Variants in CACNA1C observed in about 807,000 individuals in gnomAD.
The protein encoded by CACNA1C is calcium voltage-gated channel subunit alpha1 C.
A neutral mutation model predicts 229.0 loss-of-function variants in CACNA1C; 30 were observed. The observed-to-expected ratio is 0.13, with a 90% CI of 0.10 to 0.18. CACNA1C has a LOEUF of 0.18. Among genes scored for constraint, CACNA1C ranks in the 10% least tolerant of loss-of-function variants. CACNA1C has a pLI of 1.00. For missense variants in CACNA1C, 1,658 were observed against 2,845.0 expected, an observed-to-expected ratio of 0.58 and a Z score of 9.49; for synonymous variants, 1,114 against 1,132.5, an observed-to-expected ratio of 0.98 and a Z score of 0.33.
At chr12:2,288,418 G>A (rs2093021605) in intron 3 of CACNA1C, among the ~76,000 whole-genome samples, 1 of 152,174 alleles carries the variant, frequency 6.6e-6, no homozygotes, top group Non-Finnish European at 1.5e-5. Context: ...CAGTTGCCCT[G>A]AAATAGGTTG....
At chr12:2,556,906 A>G (rs2044626087) in intron 10 of CACNA1C, 45 bp from the exon 11 acceptor site, 1 of 1,558,914 alleles carries the variant, frequency 6.4e-7, no homozygotes, top group African/African-American at 1.4e-5. Flanking sequence ...TTTTAAATGC[A>G]CGTGTGTGTC....
chr12:2,193,085 G>A (rs2097291099), intron 3 of CACNA1C, among the ~76,000 whole-genome samples: 1 of 152,254 alleles, frequency 6.6e-6, no homozygotes, highest in African/African-American at 2.4e-5. Flanking sequence ...CACACCTGGA[G>A]TGAGGGGAGA....
rs1429576338 is a variant in CACNA1C at position 2,215,549 on chromosome 12, T to A, written c.477+95119T>A. 1.3e-5 allele frequency among the ~76,000 whole-genome samples: 2 copies of A among 152,062 alleles called. No homozygotes were observed. Among genetic ancestry groups the A allele is most frequent in the African/African-American group, 4.8e-5 (2 of 41,384 alleles). On this transcript the variant is annotated intron_variant, in intron 3 of 46. Transcript: ENST00000399655. This position sits in a 1 kb window ranked among gnomAD's most constrained non-coding sequence, Gnocchi z 5.0. ...CTCAGAGCTCCTACCACAGTCCCTG[T>A]CCCCCACACCGTTAACACTTTTACA...
At chr12:2,419,338 TCACA>T (rs909763503) in intron 3 of CACNA1C, among the ~76,000 whole-genome samples, 4 of 151,828 alleles carry the variant, frequency 2.6e-5, no homozygotes, top group African/African-American at 9.7e-5. Context: ...GGAGGAGGTG[TCACA>T]CACTTTTAAA....
Position 2,688,389 on chromosome 12 carries a change from G to A in CACNA1C, c.5785-58G>A. On this transcript the variant is annotated intron_variant, in intron 45 of 46. Transcript: ENST00000399655. ...AAGCAGTGCTTGCTCAGAAGCAGGG[G>A]CCTGCCTTGTTTGGGGTCGGCCACT... 2.0e-6 allele frequency: 3 copies of A among 1,521,698 alleles called. No individual in the cohort carries two copies. The South Asian group carries it at 3.4e-5, about 17-fold the overall frequency. 94.3% of individuals were successfully genotyped at this position (1,521,698 alleles called of 1,614,324 possible).
At chr12:2,025,855 C>T (rs2047231323) in intron 1 of CACNA1C, among the ~76,000 whole-genome samples, 2 of 152,182 alleles carry the variant, frequency 1.3e-5, no homozygotes, top group South Asian at 4.1e-4. Context: ...ATGCATTTAT[C>T]AGTTATTTAC....
intron 3 of CACNA1C, among the ~76,000 whole-genome samples, chr12:2,366,208 G>A (rs570521128): frequency 2.0e-5 from 3 of 152,188 alleles, no homozygotes; most frequent in Non-Finnish European, 2.9e-5. Flanking sequence ...GGGACTGTGC[G>A]AGAGTTATTT....
At chr12:2,124,116 G>A (rs2088658949) in intron 3 of CACNA1C, among the ~76,000 whole-genome samples, 1 of 13,362 alleles carries the variant, frequency 7.5e-5, no homozygotes, top group South Asian at 2.1e-3. Context: ...GCTCGTGTGT[G>A]TGTGTGTGTG....
intron 9 of CACNA1C, among the ~76,000 whole-genome samples, chr12:2,532,197 C>T (rs368857058): frequency 3.3e-5 from 5 of 152,322 alleles, no homozygotes; most frequent in African/African-American, 7.2e-5. Flanking sequence ...TTTGTCCTCC[C>T]AGTGACTCTG....
intron 3 of CACNA1C, among the ~76,000 whole-genome samples, chr12:2,254,950 A>G (rs1316960526): frequency 1.3e-5 from 2 of 152,198 alleles, no homozygotes; most frequent in East Asian, 3.8e-4. Flanking sequence ...GGCAAAGCTT[A>G]GCTTAGTATT....
intron 3 of CACNA1C, among the ~76,000 whole-genome samples, chr12:2,415,813 C>A (rs1186310509): frequency 6.6e-6 from 1 of 151,938 alleles, no homozygotes; most frequent in Non-Finnish European, 1.5e-5. Flanking sequence ...TTGCTTCTCT[C>A]TTTGCCTACC....
chr12:2,214,284 T>C (rs2059416190), intron 3 of CACNA1C, among the ~76,000 whole-genome samples: 1 of 152,162 alleles, frequency 6.6e-6, no homozygotes. Flanking sequence ...CTGCTCACCA[T>C]TTCTATGATG....
At chr12:2,244,245 C>T (rs866318720) in intron 3 of CACNA1C, among the ~76,000 whole-genome samples, 7 of 152,240 alleles carry the variant, frequency 4.6e-5, no homozygotes, top group South Asian at 2.1e-4. Flanking sequence ...AAGGGGCCTT[C>T]GGCTCCCCTA....
intron 3 of CACNA1C, among the ~76,000 whole-genome samples, chr12:2,425,495 T>C (rs942656929): frequency 4.6e-5 from 7 of 152,230 alleles, no homozygotes; most frequent in African/African-American, 7.2e-5. Context: ...AATAAAATTA[T>C]CGAGATTATA....
At chr12:2,478,732 G>A (rs1236261448) in intron 5 of CACNA1C, among the ~76,000 whole-genome samples, 3 of 152,208 alleles carry the variant, frequency 2.0e-5, no homozygotes, top group Non-Finnish European at 4.4e-5. Context: ...GATGAGATGT[G>A]GTGGGATTGG....
chr12:2,472,546 CT>C (rs1223069561), intron 5 of CACNA1C, among the ~76,000 whole-genome samples: 2 of 151,850 alleles, frequency 1.3e-5, no homozygotes, highest in African/African-American at 4.8e-5. Flanking sequence ...ATCAGTTTTT[CT>C]TCCATCCTTT....
At chr12:2,195,969 T>C (rs1277638783) in intron 3 of CACNA1C, among the ~76,000 whole-genome samples, 1 of 152,170 alleles carries the variant, frequency 6.6e-6, no homozygotes, top group East Asian at 1.9e-4. Flanking sequence ...CAGAGGAGTG[T>C]TCAGATCAGA....
At chr12:2,281,409 T>TA (rs577405288) in intron 3 of CACNA1C, among the ~76,000 whole-genome samples, 176 of 152,326 alleles carry the variant, frequency 1.2e-3, no homozygotes, top group African/African-American at 4.1e-3. Context: ...TTCTATCTCA[T>TA]ATTATTTTCC....
chr12:2,335,099 T>C (rs571194893), intron 3 of CACNA1C, among the ~76,000 whole-genome samples: 86 of 152,218 alleles, frequency 5.6e-4, no homozygotes, highest in African/African-American at 1.6e-3. Context: ...GTTTGGAGGT[T>C]CTAGTATCTC....
Sources: gnomAD v4.1 joint callset for allele counts (sites outside exome capture counted in the v4.1 genomes callset) on GRCh38, gnomAD v4.1.1 for gene constraint, Gnocchi (gnomAD v3.1) non-coding constraint, MANE v1.5 for transcripts, NCBI Gene and HGNC (gene_info 2026-07-23, HGNC 2026-07-21) for gene names.